CDH23: variants seen among roughly 807,000 people sequenced by gnomAD.
CDH23 encodes cadherin related 23, also known as cadherin-23.
Under a neutral mutation model 317.1 loss-of-function variants are expected in CDH23, and 189 were observed. The observed-to-expected ratio is 0.60, with a 90% CI of 0.53 to 0.67. CDH23 has a LOEUF of 0.67. Ranked by LOEUF, CDH23 falls within the 30% of genes least tolerant of loss-of-function variation. The pLI is 0.00. For missense variants in CDH23, 4,401 were observed against 4,592.4 expected (o/e 0.96, Z 1.20); for synonymous variants, 1,839 against 1,876.8 (o/e 0.98, Z 0.52).
At chr10:71,800,827 A>T in intron 53 of CDH23, 72 bp downstream of exon 53, 1 of 1,575,108 alleles carries the variant, frequency 6.3e-7, no homozygotes, top group Non-Finnish European at 8.6e-7. Flanking sequence ...AGCCTCTAGC[A>T]AGTGGACTGC....
rs755817193 is a variant in CDH23 at position 71,784,388 on chromosome 10, C to A, written c.5470C>A (p.Arg1824Ser). The A allele has an allele frequency of 6.2e-7, 1 of 1,613,738 alleles. No homozygotes were observed. The highest frequency in any genetic ancestry group is 2.2e-5 in the East Asian group (1 of 44,898). Residue 1824 changes from arginine to serine, a missense_variant, in exon 42 of 70, where the codon CGT becomes AGT. Transcript: ENST00000224721. ...IAFYNLTICA[R>S]DRGMPPLSST... is the part of the protein sequence containing the mutation. ...CTTCTACAACCTGACCATCTGTGCC[C>A]GTGACCGGGGGATGCCCCCACTCAG...
At position 71,784,398 on chromosome 10, in the gene CDH23, G is replaced by T. The variant is rs866711061; in HGVS notation, c.5480G>T (p.Gly1827Val). 3.1e-6 allele frequency: 5 copies of T among 1,613,692 alleles called. No homozygotes were observed. The African/African-American group carries it at 5.3e-5, about 17-fold the overall frequency. ...CTGACCATCTGTGCCCGTGACCGGG[G>T]GATGCCCCCACTCAGCTCCACAGTG... ...YNLTICARDR[G>V]MPPLSSTMLV... Residue 1827 changes from glycine to valine, a missense_variant, in exon 42 of 70, where the codon GGG (glycine) becomes GTG (valine). Transcript: ENST00000224721.
intron 16 of CDH23, 136 bp downstream of exon 16, chr10:71,677,829 A>G: frequency 1.4e-6 from 1 of 720,340 alleles, no homozygotes; most frequent in Non-Finnish European, 2.3e-6. Context: ...GCAGTGGTAC[A>G]ATCAGAGTTC....
chr10:71,710,402 G>T (rs1865929377), intron 27 of CDH23, among the ~76,000 whole-genome samples: 1 of 152,210 alleles, frequency 6.6e-6, no homozygotes, highest in Non-Finnish European at 1.5e-5. Flanking sequence ...GGGCCCTCCT[G>T]CTCCTGGGCT....
intron 38 of CDH23, chr10:71,753,055 C>G (rs1840046218): frequency 1.3e-6 from 2 of 1,593,142 alleles, no homozygotes; most frequent in Admixed American, 1.7e-5. Flanking sequence ...CTTCCCCATA[C>G]AACATCCCTG....
rs1235009008 is a variant in CDH23, at chr10:71,802,834, AC to A, written c.7483-62del. 5 of 1,562,886 alleles carry A rather than the reference AC, an allele frequency of 3.2e-6. No homozygotes were observed. In the African/African-American group the frequency reaches 6.8e-5, roughly 21 times the overall value. On this transcript the variant is annotated intron_variant, in intron 53 of 69. Coordinates refer to ENST00000224721, the MANE Select transcript of CDH23 (RefSeq NM_022124.6). The stretch of plus-strand genomic sequence containing the variant: ...CTCTATCCAGGCTTACTCCTGCATG[AC>A]CAGGTCCGCTGAGGCTGCCCCATCC...
chr10:71,549,089 T>G (rs2132308239), intron 6 of CDH23, among the ~76,000 whole-genome samples: 1 of 152,266 alleles, frequency 6.6e-6, no homozygotes, highest in African/African-American at 2.4e-5. Context: ...GACACCCAAA[T>G]GTGGATATGG....
intron 6 of CDH23, among the ~76,000 whole-genome samples, chr10:71,556,593 A>AAAAAAG (rs1564651101): frequency 6.6e-6 from 1 of 152,066 alleles, no homozygotes; most frequent in Non-Finnish European, 1.5e-5. Context: ...CTCAAAAAAA[A>AAAAAAG]AAAAGAAAAG....
At chr10:71,424,385 A>G (rs16928805) in intron 1 of CDH23, among the ~76,000 whole-genome samples, 1,531 of 152,354 alleles carry the variant, frequency 0.01, 50 homozygotes, top group East Asian at 0.08. Flanking sequence ...ACGCGTAAAA[A>G]CAATCCAAAC....
At chr10:71,798,325 C>A in intron 49 of CDH23, 29 bp from the exon 50 acceptor site, 1 of 1,557,644 alleles carries the variant, frequency 6.4e-7, no homozygotes. Flanking sequence ...TGTCCTTCCC[C>A]TCTCCCTCAC....
intron 3 of CDH23, among the ~76,000 whole-genome samples, chr10:71,476,426 G>A (rs192289499): frequency 6.3e-4 from 96 of 152,310 alleles, no homozygotes; most frequent in Non-Finnish European, 1.1e-3. Context: ...CATGCTCAAG[G>A]TCACATGGCA....
rs564567280 is a variant in CDH23, at chr10:71,619,565, G to T, written c.1134+2172G>T. Among the ~76,000 whole-genome samples, 5 of 152,300 alleles carry T rather than the reference G, an allele frequency of 3.3e-5. No individual in the cohort carries two copies. In the South Asian group the frequency reaches 1.0e-3, roughly 32 times the overall value. ...AGAGAAGAGAAATGTGGATACCAGC[G>T]TGGGGTCCAGGTCCAGTGACCACAG... On this transcript the variant is annotated intron_variant, in intron 11 of 69. Coordinates refer to ENST00000224721, the MANE Select transcript of CDH23 (RefSeq NM_022124.6).
At chr10:71,631,398 C>G (rs1362538433) in intron 11 of CDH23, among the ~76,000 whole-genome samples, 5 of 152,252 alleles carry the variant, frequency 3.3e-5, no homozygotes, top group South Asian at 2.1e-4. Context: ...GGAGCCACCC[C>G]CAAGGGAAGG....
intron 6 of CDH23, among the ~76,000 whole-genome samples, chr10:71,546,010 C>A (rs953014583): frequency 6.6e-6 from 1 of 152,150 alleles, no homozygotes; most frequent in African/African-American, 2.4e-5. Context: ...GTTTTGGAGT[C>A]TTGTGTAACC....
At chr10:71,592,267 G>A (rs115482509) in intron 9 of CDH23, among the ~76,000 whole-genome samples, 1 of 152,312 alleles carries the variant, frequency 6.6e-6, no homozygotes, top group African/African-American at 2.4e-5. Flanking sequence ...TCCTGGCTCA[G>A]GAACTAGGAA....
At chr10:71,783,692 G>A (rs1841018305) in intron 41 of CDH23, among the ~76,000 whole-genome samples, 1 of 152,202 alleles carries the variant, frequency 6.6e-6, no homozygotes, top group South Asian at 2.1e-4. Flanking sequence ...ACAGGTGTAG[G>A]GAACCCACTC....
intron 1 of CDH23, among the ~76,000 whole-genome samples, chr10:71,419,186 C>A (rs1848645492): frequency 6.6e-6 from 1 of 152,150 alleles, no homozygotes; most frequent in Admixed American, 6.5e-5. Context: ...TCCCCTCCCT[C>A]TATGGCTCCC....
intron 30 of CDH23, among the ~76,000 whole-genome samples, chr10:71,727,485 A>G (rs1408520393): frequency 6.6e-6 from 1 of 151,990 alleles, no homozygotes; most frequent in African/African-American, 2.4e-5. Context: ...CAATGTGGGG[A>G]CTCTGGCTTT....
At chr10:71,709,239 A>G (rs1865890909) in intron 27 of CDH23, 28 bp downstream of exon 27, 1 of 1,590,272 alleles carries the variant, frequency 6.3e-7, no homozygotes, top group East Asian at 2.2e-5. Context: ...ACCCACCAAC[A>G]CAGTGATCTG....
Sources: allele counts gnomAD v4.1 joint callset (sites outside exome capture counted in the v4.1 genomes callset), GRCh38; gene constraint gnomAD v4.1.1; transcripts MANE v1.5; gene names NCBI Gene and HGNC (gene_info 2026-07-23, HGNC 2026-07-21).